C10orf67: variants seen among roughly 807,000 people sequenced by gnomAD.
C10orf67 encodes the protein uncharacterized protein C10orf67, mitochondrial.
Under a neutral mutation model 35.6 loss-of-function variants are expected in C10orf67, and 60 were observed. The observed-to-expected ratio is 1.68, with a 90% CI of 1.37 to 2.09. The LOEUF is 2.09. Among genes scored for constraint, C10orf67 ranks in the 30% most tolerant of loss-of-function variants. The probability of loss-of-function intolerance (pLI) is 0.00; values close to 1 mark genes in which losing one functional copy is unlikely to be tolerated. For synonymous variants in C10orf67, 167 were observed against 115.8 expected (o/e 1.44, Z -2.84); for missense variants, 474 against 330.2 (o/e 1.44, Z -3.38).
At chr10:23,312,502 T>G (rs1160177662) in intron 4 of C10orf67, among the ~76,000 whole-genome samples, 2 of 152,210 alleles carry the variant, frequency 1.3e-5, no homozygotes, top group Non-Finnish European at 2.9e-5. Context: ...CAAAAAGCCC[T>G]GGTTTCTTTT....
intron 13 of C10orf67, among the ~76,000 whole-genome samples, chr10:23,231,341 T>C (rs191405280): frequency 1.2e-3 from 182 of 152,358 alleles, no homozygotes; most frequent in African/African-American, 4.2e-3. Context: ...ATTCTTGCCC[T>C]GGACTTTCTC....
intron 9 of C10orf67, among the ~76,000 whole-genome samples, chr10:23,266,918 T>G (rs1304038246): frequency 6.6e-6 from 1 of 152,146 alleles, no homozygotes; most frequent in East Asian, 1.9e-4. Flanking sequence ...ATTTATTTAT[T>G]TATTTTTAAA....
chr10:23,271,186 A>C (rs908196575), intron 8 of C10orf67, among the ~76,000 whole-genome samples: 2 of 152,264 alleles, frequency 1.3e-5, no homozygotes, highest in African/African-American at 4.8e-5. Context: ...AGGGCACTAC[A>C]TAATGGTAAA....
intron 13 of C10orf67, among the ~76,000 whole-genome samples, chr10:23,230,075 T>C (rs534759152): frequency 6.6e-6 from 1 of 152,238 alleles, no homozygotes; most frequent in Non-Finnish European, 1.5e-5. Flanking sequence ...GCATGAGCAT[T>C]AGCCTTATCA....
At chr10:23,265,393 G>A (rs1171159709) in intron 10 of C10orf67, among the ~76,000 whole-genome samples, 1 of 152,230 alleles carries the variant, frequency 6.6e-6, no homozygotes. Flanking sequence ...CTGTGTAGGA[G>A]AAGAAGGAAG....
chr10:23,205,113 G>C (rs1841123602), intron 15 of C10orf67, among the ~76,000 whole-genome samples: 1 of 152,208 alleles, frequency 6.6e-6, no homozygotes, highest in South Asian at 2.1e-4. Context: ...GGCTTTCAAT[G>C]GTTGGGAGGT....
intron 6 of C10orf67, among the ~76,000 whole-genome samples, 153 bp from the exon 7 acceptor site, chr10:23,290,111 T>C (rs1843675946): frequency 6.6e-6 from 1 of 152,186 alleles, no homozygotes; most frequent in Non-Finnish European, 1.5e-5. Context: ...GCCCTTGACA[T>C]TCGCAGCCTT....
rs527750913 is a variant in C10orf67, at chr10:23,252,857, C to T, written c.1201-2166G>A. On this transcript the variant is annotated intron_variant, in intron 10 of 15. Coordinates refer to ENST00000636213, the MANE Select transcript of C10orf67 (RefSeq NM_001371909.1). ...CAACTGATATGGTTTGGCTCTGTGTCCCCACCCAAATCTCATCTTGTAGCT... is the reference window on the plus strand; with the variant it reads ...CAACTGATATGGTTTGGCTCTGTGTTCCCACCCAAATCTCATCTTGTAGCT... Among the ~76,000 whole-genome samples, 13 of 152,216 alleles carry T rather than the reference C, an allele frequency of 8.5e-5. No homozygotes were observed. In the East Asian group the frequency reaches 2.5e-3, roughly 29 times the overall value.
At chr10:23,209,003 C>T (rs988837003) in intron 15 of C10orf67, among the ~76,000 whole-genome samples, 3 of 151,990 alleles carry the variant, frequency 2.0e-5, no homozygotes, top group South Asian at 4.2e-4. Flanking sequence ...AGAAGCTCAG[C>T]GAGACCAGGC....
At chr10:23,285,193 A>G (rs2132245492) in intron 7 of C10orf67, among the ~76,000 whole-genome samples, 1 of 152,228 alleles carries the variant, frequency 6.6e-6, no homozygotes, top group Middle Eastern at 3.4e-3. Flanking sequence ...CCTAGTTCCA[A>G]AAATGGAACA....
intron 1 of C10orf67, among the ~76,000 whole-genome samples, chr10:23,339,037 C>T (rs1160209593): frequency 1.3e-5 from 2 of 152,154 alleles, no homozygotes; most frequent in African/African-American, 2.4e-5. Context: ...AGGCACCTCT[C>T]ACTCTTATGC....
intron 4 of C10orf67, among the ~76,000 whole-genome samples, chr10:23,309,939 G>T (rs996676638): frequency 6.6e-6 from 1 of 152,190 alleles, no homozygotes; most frequent in Non-Finnish European, 1.5e-5. Flanking sequence ...AAATCCACCT[G>T]GAGGGATTTA....
intron 13 of C10orf67, among the ~76,000 whole-genome samples, chr10:23,225,632 G>A (rs189044416): frequency 1.2e-4 from 18 of 152,198 alleles, no homozygotes; most frequent in South Asian, 4.1e-4. Flanking sequence ...CCTACCTCAC[G>A]TGCAGAGACA....
intron 2 of C10orf67, among the ~76,000 whole-genome samples, chr10:23,326,034 A>G (rs564941569): frequency 2.0e-4 from 31 of 152,194 alleles, no homozygotes; most frequent in Non-Finnish European, 3.5e-4. Flanking sequence ...CAAAATGGAC[A>G]GAGTTTAGGG....
At chr10:23,237,972 T>G (rs886488346) in intron 13 of C10orf67, among the ~76,000 whole-genome samples, 12 of 152,354 alleles carry the variant, frequency 7.9e-5, no homozygotes, top group Middle Eastern at 3.4e-3. Flanking sequence ...TTCATAGCAT[T>G]TATCCAAATT....
At chr10:23,313,406 T>C (rs1261051530) in intron 4 of C10orf67, among the ~76,000 whole-genome samples, 2 of 152,218 alleles carry the variant, frequency 1.3e-5, no homozygotes, top group African/African-American at 2.4e-5. Flanking sequence ...CATGATCTAT[T>C]TCCAGTACCA....
At chr10:23,331,101 ACT>A in intron 2 of C10orf67, among the ~76,000 whole-genome samples, 1 of 111,178 alleles carries the variant, frequency 9.0e-6, no homozygotes, top group Non-Finnish European at 2.1e-5. Context: ...AGGGGAGGGG[ACT>A]GGGACGGGAA....
intron 7 of C10orf67, among the ~76,000 whole-genome samples, chr10:23,282,452 T>C (rs943772992): frequency 1.8e-4 from 28 of 152,312 alleles, no homozygotes; most frequent in African/African-American, 5.5e-4. Context: ...TTTATGCCAA[T>C]TGAAAATAGC....
At chr10:23,211,456 GGT>G (rs1554801543) in intron 15 of C10orf67, among the ~76,000 whole-genome samples, 12 of 142,640 alleles carry the variant, frequency 8.4e-5, no homozygotes, top group Admixed American at 2.9e-4. Context: ...TTTGTGAGGC[GGT>G]GTGTGTGTGT....
Sources: allele counts gnomAD v4.1 joint callset (sites outside exome capture counted in the v4.1 genomes callset), GRCh38; gene constraint gnomAD v4.1.1; transcripts MANE v1.5; gene names NCBI Gene and HGNC (gene_info 2026-07-23, HGNC 2026-07-21).